SCAPER: variants seen among roughly 807,000 people sequenced by gnomAD.
SCAPER encodes S-phase cyclin A associated protein in the ER, also known as S phase cyclin A-associated protein in the endoplasmic reticulum.
Under a neutral mutation model 182.2 loss-of-function variants are expected in SCAPER, and 98 were observed. The ratio of observed to expected loss-of-function variants is 0.54; its 90% confidence interval spans 0.46 to 0.64. The LOEUF (loss-of-function observed/expected upper bound fraction) is 0.64. Among genes scored for constraint, SCAPER ranks in the 30% least tolerant of loss-of-function variants. The probability of loss-of-function intolerance (pLI) is 0.00; values close to 1 mark genes in which losing one functional copy is unlikely to be tolerated. For synonymous variants in SCAPER, 605 were observed against 564.6 expected (o/e 1.07, Z -1.01); for missense variants, 1,432 against 1,690.0 (o/e 0.85, Z 2.68).
intron 21 of SCAPER, among the ~76,000 whole-genome samples, chr15:76,630,995 G>C (rs1249212473): frequency 6.6e-6 from 1 of 152,144 alleles, no homozygotes; most frequent in Non-Finnish European, 1.5e-5. Flanking sequence ...TGGGTGTATA[G>C]ATATTTAGGA....
chr15:76,623,863 A>G (rs2052333631), intron 21 of SCAPER, among the ~76,000 whole-genome samples: 1 of 147,232 alleles, frequency 6.8e-6, no homozygotes, highest in South Asian at 2.1e-4. Flanking sequence ...ACATCCCTTC[A>G]TGATAAAAAA....
rs150792161 is a variant in SCAPER at position 76,557,731 on chromosome 15, T to C, written c.2838+16427A>G. On this transcript the variant is annotated intron_variant, in intron 23 of 31. Coordinates refer to ENST00000563290, the MANE Select transcript of SCAPER (RefSeq NM_020843.4). Reference sequence around the variant, plus strand: ...TGTATCAGTTACCCAGTCTCAGTTATTTCTTTATAACAATGTGAGAACAGA... The same window carrying C: ...TGTATCAGTTACCCAGTCTCAGTTACTTCTTTATAACAATGTGAGAACAGA... Among the ~76,000 whole-genome samples, 6 of 152,274 alleles carry C rather than the reference T, an allele frequency of 3.9e-5. No individual in the cohort carries two copies. In the East Asian group the frequency reaches 1.2e-3, roughly 29 times the overall value.
intron 22 of SCAPER, among the ~76,000 whole-genome samples, chr15:76,615,546 C>G (rs2051395489): frequency 6.6e-6 from 1 of 150,668 alleles, no homozygotes; most frequent in South Asian, 2.1e-4. Context: ...TGAGGCCAGG[C>G]ACGGTGGCTC....
intron 5 of SCAPER, among the ~76,000 whole-genome samples, chr15:76,812,170 C>T (rs1288069391): frequency 6.6e-6 from 1 of 151,656 alleles, no homozygotes; most frequent in Non-Finnish European, 1.5e-5. Flanking sequence ...AAAACTTAGC[C>T]AGGTGTGGTG....
chr15:76,801,166 G>A (rs550206258), intron 6 of SCAPER, among the ~76,000 whole-genome samples: 5 of 152,184 alleles, frequency 3.3e-5, no homozygotes, highest in African/African-American at 7.2e-5. Context: ...CTTCATTTGC[G>A]ATTCACATGT....
intron 22 of SCAPER, among the ~76,000 whole-genome samples, chr15:76,608,033 T>C (rs2050610665): frequency 6.6e-6 from 1 of 152,254 alleles, no homozygotes; most frequent in South Asian, 2.1e-4. Context: ...AGTCATTCTC[T>C]GTCCAGCTTT....
At chr15:76,530,379 T>C (rs895102170) in intron 23 of SCAPER, among the ~76,000 whole-genome samples, 1 of 152,232 alleles carries the variant, frequency 6.6e-6, no homozygotes, top group African/African-American at 2.4e-5. Context: ...TCCAATTTAC[T>C]TTTTGATTAT....
chr15:76,883,948 A>G (rs933544581), intron 1 of SCAPER, 72 bp from the exon 2 acceptor site: 8 of 735,858 alleles, frequency 1.1e-5, no homozygotes, highest in Non-Finnish European at 1.7e-5. Context: ...AAAAAGATAC[A>G]AATCTCATCC....
At chr15:76,654,689 C>T (rs1387870148) in intron 21 of SCAPER, among the ~76,000 whole-genome samples, 3 of 152,316 alleles carry the variant, frequency 2.0e-5, no homozygotes, top group Non-Finnish European at 4.4e-5. Context: ...GTTGCCAAGG[C>T]CACCAGGCAG....
intron 2 of SCAPER, among the ~76,000 whole-genome samples, chr15:76,879,087 C>G (rs139501114): frequency 4.5e-4 from 68 of 152,298 alleles, no homozygotes; most frequent in African/African-American, 1.5e-3. Flanking sequence ...GACCTGGCCT[C>G]CAGTCTCAAC....
At chr15:76,456,436 C>T (rs996953537) in intron 25 of SCAPER, among the ~76,000 whole-genome samples, 1 of 152,182 alleles carries the variant, frequency 6.6e-6, no homozygotes, top group Non-Finnish European at 1.5e-5. Context: ...CTAACTTCAT[C>T]CCACTGTCTT....
chr15:76,704,864 T>C (rs1447651140), intron 18 of SCAPER, among the ~76,000 whole-genome samples: 1 of 152,116 alleles, frequency 6.6e-6, no homozygotes, highest in Non-Finnish European at 1.5e-5. Flanking sequence ...TCACACCAGT[T>C]AGAATGGCGA....
At chr15:76,851,355 C>T (rs918409366) in intron 4 of SCAPER, among the ~76,000 whole-genome samples, 1 of 152,112 alleles carries the variant, frequency 6.6e-6, no homozygotes, top group South Asian at 2.1e-4. Context: ...CAAGATTCTA[C>T]ACAAGAAGAT....
intron 30 of SCAPER, among the ~76,000 whole-genome samples, chr15:76,351,867 T>C (rs949899624): frequency 2.0e-5 from 3 of 152,320 alleles, no homozygotes; most frequent in Non-Finnish European, 4.4e-5. Flanking sequence ...ACACTTGATT[T>C]AACTCTACAA....
At chr15:76,439,952 TA>T (rs1228305691) in intron 25 of SCAPER, among the ~76,000 whole-genome samples, 1 of 152,366 alleles carries the variant, frequency 6.6e-6, no homozygotes, top group East Asian at 1.9e-4. Context: ...TAGAATACAC[TA>T]GAGTGGTCAT....
intron 11 of SCAPER, among the ~76,000 whole-genome samples, chr15:76,766,208 T>G (rs3102713): frequency 0.13 from 20,363 of 152,030 alleles, 1,379 homozygotes; most frequent in African/African-American, 0.17. Context: ...ACTATTCTCC[T>G]GCCTCAGCCT....
In SCAPER at chr15:76,702,896, A is replaced by G; in HGVS notation, c.2354T>C (p.Leu785Pro). The change falls in exon 19 of 32, where the codon CTG (leucine) becomes CCG (proline). Residue 785 changes from leucine (L) to proline (P), a missense_variant. Physicochemically the swap from Leu to Pro is moderately conservative, Grantham distance 98 (BLOSUM62 -3). Around this residue, in one of 5 missense-constraint regions of SCAPER, gnomAD observed 718 missense variants for 799.7 expected, o/e 0.90. Transcript: ENST00000563290. ...CTGCTTCTTTCTTTCATAAGGGGTCAGTTTGGGGGCATAATCAGTATTTGC... is the reference window on the plus strand; with the variant it reads ...CTGCTTCTTTCTTTCATAAGGGGTCGGTTTGGGGGCATAATCAGTATTTGC... ...RHANTDYAPK[L>P]TPYERKKQCS... 2 of 1,609,334 alleles carry G rather than the reference A, an allele frequency of 1.2e-6. No individual in the cohort carries two copies. The highest frequency in any genetic ancestry group is 1.7e-6 in the Non-Finnish European group (2 of 1,178,740).
chr15:76,538,557 G>C (rs2044417045), intron 23 of SCAPER, among the ~76,000 whole-genome samples: 1 of 152,100 alleles, frequency 6.6e-6, no homozygotes, highest in South Asian at 2.1e-4. Context: ...CACACTCTGT[G>C]GACTGTTGTG....
At chr15:76,656,334 C>A (rs2146623432) in intron 21 of SCAPER, among the ~76,000 whole-genome samples, 1 of 152,286 alleles carries the variant, frequency 6.6e-6, no homozygotes, top group Middle Eastern at 3.4e-3. Flanking sequence ...GGATTCAATT[C>A]AACAAGAAGA....
Sources: gnomAD v4.1 joint callset for allele counts (sites outside exome capture counted in the v4.1 genomes callset) on GRCh38, gnomAD v4.1.1 for gene constraint, gnomAD v4.1.1 regional missense constraint, MANE v1.5 for transcripts, NCBI Gene and HGNC (gene_info 2026-07-23, HGNC 2026-07-21) for gene names.